The following GFRA1 variants were observed in gnomAD, a reference collection of about 807,000 sequenced individuals.
The protein encoded by GFRA1 is GDNF family receptor alpha 1.
Under a neutral mutation model 51.6 loss-of-function variants are expected in GFRA1, and 16 were observed. The observed-to-expected ratio is 0.31, with a 90% CI of 0.21 to 0.47. The LOEUF (loss-of-function observed/expected upper bound fraction) is 0.47. GFRA1 is among the 20% of genes least tolerant of loss of function. The pLI is 1.00. For missense variants in GFRA1, 530 were observed against 594.3 expected (o/e 0.89, Z 1.13); for synonymous variants, 270 against 241.3 (o/e 1.12, Z -1.10).
intron 5 of GFRA1, among the ~76,000 whole-genome samples, chr10:116,208,668 T>C (rs1964965474): frequency 6.6e-6 from 1 of 152,194 alleles, no homozygotes; most frequent in Non-Finnish European, 1.5e-5. Context: ...TTTAAAATGC[T>C]CTGCTGAGTG....
intron 4 of GFRA1, among the ~76,000 whole-genome samples, chr10:116,233,624 G>A (rs1966817379): frequency 6.6e-6 from 1 of 152,166 alleles, no homozygotes; most frequent in Non-Finnish European, 1.5e-5. Flanking sequence ...TGGAGGCAGA[G>A]CCTGCCTACT....
intron 9 of GFRA1, among the ~76,000 whole-genome samples, chr10:116,081,271 G>C (rs2133835329): frequency 6.6e-6 from 1 of 152,308 alleles, no homozygotes; most frequent in Non-Finnish European, 1.5e-5. Context: ...TGTGGAGTCT[G>C]ACACCCTGAG....
rs1208315214 is a variant in GFRA1 at position 116,188,498 on chromosome 10, A to T, written c.433+23133T>A. 2.0e-5 allele frequency among the ~76,000 whole-genome samples: 3 copies of T among 152,254 alleles called. No homozygotes were observed. In the South Asian group the frequency reaches 6.2e-4, roughly 32 times the overall value. On this transcript the variant is annotated intron_variant, in intron 5 of 10. Coordinates refer to ENST00000355422, the MANE Select transcript of GFRA1 (RefSeq NM_005264.8). ...AGGGCTCTCTGTTCAATGGGTATAGAGTTTCAGTTTGGGATGATGAAAAAG... is the reference window on the plus strand; with the variant it reads ...AGGGCTCTCTGTTCAATGGGTATAGTGTTTCAGTTTGGGATGATGAAAAAG...
intron 4 of GFRA1, among the ~76,000 whole-genome samples, chr10:116,258,457 T>C (rs1969061874): frequency 6.7e-6 from 1 of 148,156 alleles, no homozygotes; most frequent in African/African-American, 2.5e-5. Context: ...ATATATAATG[T>C]ATATATGTAA....
intron 9 of GFRA1, among the ~76,000 whole-genome samples, chr10:116,080,459 T>C (rs1955802193): frequency 6.6e-6 from 1 of 152,200 alleles, no homozygotes; most frequent in Admixed American, 6.5e-5. Flanking sequence ...AGTACTTGTG[T>C]AACCAAATAT....
At chr10:116,257,371 C>T (rs1968951116) in intron 4 of GFRA1, among the ~76,000 whole-genome samples, 4 of 150,760 alleles carry the variant, frequency 2.7e-5, no homozygotes, top group Admixed American at 2.6e-4. Flanking sequence ...CCCCTCTATC[C>T]TCCCTGCCCT....
intron 5 of GFRA1, among the ~76,000 whole-genome samples, chr10:116,158,503 C>T (rs1015310315): frequency 3.9e-5 from 6 of 152,132 alleles, no homozygotes; most frequent in Admixed American, 3.9e-4. Context: ...CTCTATGCAA[C>T]CTAGAATTAA....
At chr10:116,087,174 A>C (rs1956135851) in intron 9 of GFRA1, among the ~76,000 whole-genome samples, 1 of 152,172 alleles carries the variant, frequency 6.6e-6, no homozygotes, top group African/African-American at 2.4e-5. Flanking sequence ...GGCAGTACAG[A>C]TCCTCCTTGC....
rs187538379 is a variant in GFRA1 at position 116,200,417 on chromosome 10, A to G, written c.433+11214T>C. Among the ~76,000 whole-genome samples the G allele has an allele frequency of 4.3e-4, 66 of 152,286 alleles. No individual in the cohort carries two copies. In the East Asian group the frequency reaches 9.3e-3, roughly 21 times the overall value. On this transcript the variant is annotated intron_variant, in intron 5 of 10. Transcript: ENST00000355422. The stretch of plus-strand genomic sequence containing the variant: ...TGCAAGGTTTGACTTCTTAACTTCT[A>G]CTTAAGTTTTGGGAATCTATTTCAG...
At chr10:116,079,172 C>T (rs550162692) in intron 9 of GFRA1, among the ~76,000 whole-genome samples, 1 of 152,172 alleles carries the variant, frequency 6.6e-6, no homozygotes, top group South Asian at 2.1e-4. Context: ...GGAAGGCGGC[C>T]ATCTGCAACC....
At chr10:116,253,653 G>A (rs1378391619) in intron 4 of GFRA1, among the ~76,000 whole-genome samples, 2 of 152,100 alleles carry the variant, frequency 1.3e-5, no homozygotes, top group Non-Finnish European at 2.9e-5. Flanking sequence ...CAAGGACAGG[G>A]AGGCATCCAG....
At chr10:116,213,056 C>A (rs1465572372) in intron 4 of GFRA1, among the ~76,000 whole-genome samples, 1 of 152,096 alleles carries the variant, frequency 6.6e-6, no homozygotes, top group Non-Finnish European at 1.5e-5. Flanking sequence ...CCAGTTTCTG[C>A]TCTGATGGTA....
chr10:116,076,382 C>G (rs1955619609), intron 9 of GFRA1, among the ~76,000 whole-genome samples: 1 of 152,092 alleles, frequency 6.6e-6, no homozygotes, highest in African/African-American at 2.4e-5. Context: ...CAGAAACACC[C>G]TGGAGCCAAG....
intron 5 of GFRA1, among the ~76,000 whole-genome samples, chr10:116,161,180 T>A (rs928807099): frequency 3.3e-5 from 5 of 152,122 alleles, no homozygotes; most frequent in African/African-American, 9.7e-5. Context: ...AGGACAGGCA[T>A]CTTGAAGCAC....
Position 116,271,076 on chromosome 10 carries a change from A to G in GFRA1, c.80T>C (p.Leu27Pro). 1 of 1,611,104 alleles carries G rather than the reference A, an allele frequency of 6.2e-7. No individual in the cohort carries two copies. The highest frequency in any genetic ancestry group is 8.5e-7 in the Non-Finnish European group (1 of 1,177,546). Residue 27 changes from leucine (L) to proline (P), a missense_variant, in exon 3 of 11, where the codon CTG (leucine) becomes CCG (proline). Coordinates refer to ENST00000355422, the MANE Select transcript of GFRA1 (RefSeq NM_005264.8). ...LSAEVSGGDR[L>P]DCVKASDQCL... ...CTGATCACTGGCTTTCACGCAATCCAGGCGGTCTCCGCCGCTCACTTCGGC... is the reference window on the plus strand; with the variant it reads ...CTGATCACTGGCTTTCACGCAATCCGGGCGGTCTCCGCCGCTCACTTCGGC...
At chr10:116,164,614 G>A (rs1426641379) in intron 5 of GFRA1, among the ~76,000 whole-genome samples, 1 of 152,056 alleles carries the variant, frequency 6.6e-6, no homozygotes, top group Non-Finnish European at 1.5e-5. Flanking sequence ...TTCAGTGTTG[G>A]GTCTTTTAAT....
chr10:116,069,568 G>A (rs1955279218), intron 9 of GFRA1, among the ~76,000 whole-genome samples: 1 of 152,202 alleles, frequency 6.6e-6, no homozygotes. Flanking sequence ...CCCAAGTCCA[G>A]GCACGTCGCA....
At chr10:116,182,459 AAACACTT>A (rs1236343261) in intron 5 of GFRA1, among the ~76,000 whole-genome samples, 2 of 152,214 alleles carry the variant, frequency 1.3e-5, no homozygotes, top group Non-Finnish European at 2.9e-5. Context: ...AAGCCTAAAC[AAACACTT>A]GTGAAAGTTG....
intron 5 of GFRA1, among the ~76,000 whole-genome samples, chr10:116,154,470 T>C (rs1461671878): frequency 6.6e-6 from 1 of 152,192 alleles, no homozygotes; most frequent in East Asian, 1.9e-4. Flanking sequence ...AAAAAGTATA[T>C]ATTTTATTAT....
Sources: gnomAD v4.1 joint callset for allele counts (sites outside exome capture counted in the v4.1 genomes callset) on GRCh38, gnomAD v4.1.1 for gene constraint, MANE v1.5 for transcripts, NCBI Gene and HGNC (gene_info 2026-07-23, HGNC 2026-07-21) for gene names.